Variants in RBM47 observed in about 807,000 individuals in gnomAD.
RBM47 encodes the protein RNA binding motif protein 47.
RBM47 carries 21 observed loss-of-function variants against 47.1 expected under a neutral mutation model. That is an observed-to-expected ratio of 0.45 (90% confidence interval 0.32 to 0.64). The LOEUF (loss-of-function observed/expected upper bound fraction) is 0.64. Ranked by LOEUF, RBM47 falls within the 30% of genes least tolerant of loss-of-function variation. RBM47 has a pLI of 0.05. For synonymous variants in RBM47, 375 were observed against 361.7 expected (o/e 1.04, Z -0.42); for missense variants, 708 against 870.9 (o/e 0.81, Z 2.35).
At chr4:40,481,216 G>A (rs1040796487) in intron 2 of RBM47, among the ~76,000 whole-genome samples, 4 of 151,442 alleles carry the variant, frequency 2.6e-5, no homozygotes, top group African/African-American at 7.3e-5. Flanking sequence ...ATAATATCCC[G>A]AGATGTACTC....
chr4:40,626,726 A>G (rs1737776212), intron 1 of RBM47, among the ~76,000 whole-genome samples: 1 of 152,206 alleles, frequency 6.6e-6, no homozygotes, highest in African/African-American at 2.4e-5. Flanking sequence ...ACGCTCACAG[A>G]ATAGACGGGG....
At chr4:40,549,112 G>A (rs189045248) in intron 1 of RBM47, among the ~76,000 whole-genome samples, 14 of 150,868 alleles carry the variant, frequency 9.3e-5, no homozygotes, top group Admixed American at 8.6e-4. Flanking sequence ...TTTTTTTTGG[G>A]GGGGGGGACA....
At chr4:40,456,571 C>CTTTTTTTTTTTTTTT (rs34320480) in intron 3 of RBM47, among the ~76,000 whole-genome samples, 5 of 112,572 alleles carry the variant, frequency 4.4e-5, no homozygotes, top group Admixed American at 1.1e-4. Context: ...TTTCTTTTTT[C>CTTTTTTTTTTTTTTT]TTTTTTTTTT....
chr4:40,622,457 G>T (rs1203703679), intron 1 of RBM47, among the ~76,000 whole-genome samples: 1 of 152,220 alleles, frequency 6.6e-6, no homozygotes, highest in African/African-American at 2.4e-5. Context: ...AAGTAAGGAT[G>T]TGTGTGGTAG....
intron 3 of RBM47, among the ~76,000 whole-genome samples, chr4:40,465,299 T>C (rs1337861628): frequency 6.6e-6 from 1 of 152,134 alleles, no homozygotes; most frequent in Non-Finnish European, 1.5e-5. Flanking sequence ...ATCTTTCTCC[T>C]ATCTTCCCTT....
At chr4:40,587,632 C>T (rs571526444) in intron 1 of RBM47, among the ~76,000 whole-genome samples, 1 of 152,274 alleles carries the variant, frequency 6.6e-6, no homozygotes, top group South Asian at 2.1e-4. Context: ...TTCTCAGAAC[C>T]TTTACTTAAA....
At position 40,504,077 on chromosome 4, in the gene RBM47, G is replaced by C. The variant is rs562534827; in HGVS notation, c.-154-37378C>G. Among the ~76,000 whole-genome samples, 3 of 152,202 alleles carry C rather than the reference G, an allele frequency of 2.0e-5. No individual in the cohort carries two copies. The South Asian group carries it at 6.2e-4, about 32-fold the overall frequency. Reference sequence around the variant, plus strand: ...CCTCTCATTATGGGTGGGAATTAGAGTGCTCAGATTCTTCAGGGATGGTTT... The same window carrying C: ...CCTCTCATTATGGGTGGGAATTAGACTGCTCAGATTCTTCAGGGATGGTTT... On this transcript the variant is annotated intron_variant, in intron 2 of 6. Transcript: ENST00000295971.
intron 1 of RBM47, among the ~76,000 whole-genome samples, chr4:40,609,221 C>T (rs182300042): frequency 5.9e-5 from 9 of 151,314 alleles, no homozygotes; most frequent in African/African-American, 2.2e-4. Context: ...CTTAAACTCC[C>T]GACCGTGATT....
At chr4:40,437,689 G>A (rs1712871375) in intron 4 of RBM47, 82 bp downstream of exon 4, 28 of 1,395,658 alleles carry the variant, frequency 2.0e-5, no homozygotes, top group Non-Finnish European at 2.4e-5. Context: ...CTCAGCAAAT[G>A]CCAGCCACGG....
rs561091048 is a variant in RBM47, at chr4:40,449,540, C to T, written c.-31-10616G>A. Among the ~76,000 whole-genome samples, 48 of 152,292 alleles carry T rather than the reference C, an allele frequency of 3.2e-4. No individual in the cohort carries two copies. The South Asian group carries it at 4.1e-3, about 13-fold the overall frequency. On this transcript the variant is annotated intron_variant, in intron 3 of 6. Coordinates refer to ENST00000295971, the MANE Select transcript of RBM47 (RefSeq NM_001098634.2). ...TTCTATCAACACACACCTGAGAATG[C>T]GGCCTTTTGCTGTGGGTTCTCAGGG...
intron 2 of RBM47, among the ~76,000 whole-genome samples, chr4:40,518,447 A>T (rs1358251427): frequency 1.3e-5 from 2 of 152,056 alleles, no homozygotes; most frequent in South Asian, 2.1e-4. Flanking sequence ...AAGTGCTGGG[A>T]CTACAGGCGT....
intron 1 of RBM47, among the ~76,000 whole-genome samples, chr4:40,545,801 A>G (rs1176377564): frequency 2.6e-5 from 4 of 152,146 alleles, no homozygotes; most frequent in African/African-American, 9.7e-5. Flanking sequence ...ACTCCACTCT[A>G]CTGCTTGCTA....
chr4:40,510,844 G>A (rs1724833751), intron 2 of RBM47, among the ~76,000 whole-genome samples: 1 of 152,164 alleles, frequency 6.6e-6, no homozygotes, highest in South Asian at 2.1e-4. Context: ...GGCTGAGACG[G>A]GTGGATCATT....
In RBM47 at chr4:40,423,698, TTCTTTCTTTCTTTCTTTTC is replaced by T. The variant is rs982620706; in HGVS notation, c.*2187_*2205del. Reference sequence around the variant, plus strand: ...TTTCTTTCTTTCTTTCTTTCTTTCTTTCTTTCTTTCTTTCTTTTCTTTCTTTTCTTTCTTCCTCTTCTTC... The same window carrying T: ...TTTCTTTCTTTCTTTCTTTCTTTCTTTTTCTTTTCTTTCTTCCTCTTCTTC... On this transcript the variant is annotated 3_prime_UTR_variant, in exon 7 of 7. Coordinates refer to ENST00000295971, the MANE Select transcript of RBM47 (RefSeq NM_001098634.2). 3 of 90,174 alleles carry T rather than the reference TTCTTTCTTTCTTTCTTTTC, an allele frequency of 3.3e-5. No individual in the cohort carries two copies. Among genetic ancestry groups the T allele is most frequent in the African/African-American group, 1.9e-4 (3 of 15,416 alleles). The allele number at this position is 90,174 out of a possible 1,614,324, so 5.6% of individuals were successfully genotyped here.
chr4:40,626,151 A>G (rs531708321), intron 1 of RBM47, among the ~76,000 whole-genome samples: 4 of 152,338 alleles, frequency 2.6e-5, no homozygotes, highest in South Asian at 2.1e-4. Context: ...AGTTCCTATG[A>G]TGACAAAAAT....
chr4:40,538,379 T>C (rs1728183651), intron 2 of RBM47, among the ~76,000 whole-genome samples: 1 of 142,680 alleles, frequency 7.0e-6, no homozygotes, highest in Non-Finnish European at 1.5e-5. Flanking sequence ...CAGGCTGGAG[T>C]ACAATGGCAC....
intron 2 of RBM47, among the ~76,000 whole-genome samples, chr4:40,538,301 G>A (rs1338036271): frequency 1.3e-5 from 2 of 151,176 alleles, no homozygotes; most frequent in Non-Finnish European, 2.9e-5. Context: ...TTACATATGT[G>A]AGGTAGGATG....
intron 1 of RBM47, among the ~76,000 whole-genome samples, chr4:40,551,138 A>C (rs1236798861): frequency 1.3e-5 from 2 of 152,132 alleles, no homozygotes; most frequent in African/African-American, 4.8e-5. Context: ...ACTGAGAGTG[A>C]ATGTTCTGAC....
intron 1 of RBM47, among the ~76,000 whole-genome samples, chr4:40,602,192 A>G (rs1168460036): frequency 6.6e-6 from 1 of 152,018 alleles, no homozygotes; most frequent in Non-Finnish European, 1.5e-5. Flanking sequence ...GAAAAAGAAA[A>G]AAAAAAGATA....
Sources: allele counts gnomAD v4.1 joint callset (sites outside exome capture counted in the v4.1 genomes callset), GRCh38; gene constraint gnomAD v4.1.1; transcripts MANE v1.5; gene names NCBI Gene and HGNC (gene_info 2026-07-23, HGNC 2026-07-21).